The following TMEM108 variants were observed in gnomAD, a reference collection of about 807,000 sequenced individuals.
The protein encoded by TMEM108 is cancer/testis antigen 124.
TMEM108 carries 12 observed loss-of-function variants against 35.1 expected under a neutral mutation model. That is an observed-to-expected ratio of 0.34 (90% CI 0.22 to 0.55). TMEM108 has a LOEUF of 0.55. Among genes scored for constraint, TMEM108 ranks in the 20% least tolerant of loss-of-function variants. The pLI is 0.89. For synonymous variants in TMEM108, 287 were observed against 308.6 expected, an observed-to-expected ratio of 0.93 and a Z score of 0.73; for missense variants, 680 against 753.3, an observed-to-expected ratio of 0.90 and a Z score of 1.14.
intron 2 of TMEM108, among the ~76,000 whole-genome samples, chr3:133,101,352 G>A (rs1480414900): frequency 6.6e-6 from 1 of 152,098 alleles, no homozygotes; most frequent in Non-Finnish European, 1.5e-5. Flanking sequence ...TTTCTTCACT[G>A]GTTTACATCA....
At chr3:133,100,532 A>G (rs1174572721) in intron 2 of TMEM108, among the ~76,000 whole-genome samples, 2 of 152,176 alleles carry the variant, frequency 1.3e-5, no homozygotes, top group African/African-American at 4.8e-5. Flanking sequence ...TTGAGCCCAG[A>G]AGGTTGAGAC....
chr3:133,298,662 G>A (rs150038862), intron 3 of TMEM108, among the ~76,000 whole-genome samples: 5 of 151,824 alleles, frequency 3.3e-5, no homozygotes, highest in African/African-American at 4.8e-5. Flanking sequence ...TTATAAATTC[G>A]TTTCACACTC....
At chr3:133,154,744 G>A (rs1944853690) in intron 2 of TMEM108, among the ~76,000 whole-genome samples, 1 of 152,078 alleles carries the variant, frequency 6.6e-6, no homozygotes, top group South Asian at 2.1e-4. Flanking sequence ...ATAGTATTAG[G>A]AGATATACCT....
At chr3:133,057,866 C>T (rs1399272979) in intron 2 of TMEM108, among the ~76,000 whole-genome samples, 2 of 152,110 alleles carry the variant, frequency 1.3e-5, no homozygotes, top group Non-Finnish European at 2.9e-5. Flanking sequence ...TGCATGAGCA[C>T]TGATGATGGA....
chr3:133,040,751 G>A (rs778171586), intron 1 of TMEM108, among the ~76,000 whole-genome samples: 3 of 152,156 alleles, frequency 2.0e-5, no homozygotes, highest in East Asian at 1.9e-4. Flanking sequence ...ATCTAGCAAC[G>A]TACTTCAGTG....
chr3:133,040,253 G>T (rs1236607552), intron 1 of TMEM108, among the ~76,000 whole-genome samples: 1 of 149,594 alleles, frequency 6.7e-6, no homozygotes, highest in Admixed American at 6.7e-5. Flanking sequence ...ACCCAGGCTG[G>T]AGTGCAGTGG....
chr3:133,043,029 G>C (rs184257232), intron 1 of TMEM108, among the ~76,000 whole-genome samples: 81 of 152,326 alleles, frequency 5.3e-4, no homozygotes, highest in Non-Finnish European at 1.1e-3. Context: ...CTGATTGATT[G>C]TGAGCAGGAT....
intron 3 of TMEM108, among the ~76,000 whole-genome samples, chr3:133,374,961 A>G (rs923248207): frequency 3.3e-5 from 5 of 152,244 alleles, no homozygotes; most frequent in African/African-American, 1.2e-4. Context: ...CAAGCTGCCT[A>G]GGAACAAATT....
chr3:133,271,879 T>C (rs1286179817), intron 3 of TMEM108, among the ~76,000 whole-genome samples: 1 of 152,196 alleles, frequency 6.6e-6, no homozygotes, highest in Non-Finnish European at 1.5e-5. Context: ...TGGGCTTGTA[T>C]CAACAAGGCA....
chr3:133,120,654 G>A (rs915938373), intron 2 of TMEM108, among the ~76,000 whole-genome samples: 3 of 149,498 alleles, frequency 2.0e-5, no homozygotes, highest in South Asian at 2.1e-4. Flanking sequence ...GAATATCTGC[G>A]GTACTATGGA....
chr3:133,341,165 C>G lies in TMEM108; in HGVS notation c.41-38587C>G, dbSNP rs1470260867. On this transcript the variant is annotated intron_variant, in intron 3 of 5. Transcript: ENST00000321871. ...CTATATTTGGAAAACCCTAAAGACTCCATACACACCAAAAAAACTATTAGA... is the reference window on the plus strand; with the variant it reads ...CTATATTTGGAAAACCCTAAAGACTGCATACACACCAAAAAAACTATTAGA... 2.6e-5 allele frequency among the ~76,000 whole-genome samples: 4 copies of G among 151,626 alleles called. No individual in the cohort carries two copies. The East Asian group carries it at 5.8e-4, about 22-fold the overall frequency.
Position 133,215,296 on chromosome 3 carries a change from C to T in TMEM108, c.-46-13970C>T, listed in dbSNP as rs1476430408. On this transcript the variant is annotated intron_variant, in intron 2 of 5. Transcript: ENST00000321871. ...ACTTACTGTGCTTAGAAACACTAAA[C>T]AGCATCTCAGCACTTTGCTTGCAAG... Among the ~76,000 whole-genome samples the T allele has an allele frequency of 2.0e-5, 3 of 150,572 alleles. No individual in the cohort carries two copies. In the South Asian group the frequency reaches 6.3e-4, roughly 32 times the overall value.
intron 2 of TMEM108, among the ~76,000 whole-genome samples, chr3:133,081,427 A>T (rs958630218): frequency 1.3e-5 from 2 of 152,184 alleles, no homozygotes; most frequent in African/African-American, 4.8e-5. Flanking sequence ...TCATGACCTC[A>T]TCTAAATCTA....
intron 4 of TMEM108, among the ~76,000 whole-genome samples, chr3:133,382,069 C>T (rs1279925909): frequency 6.6e-6 from 1 of 152,186 alleles, no homozygotes; most frequent in Admixed American, 6.5e-5. Flanking sequence ...TGTCTTCCCT[C>T]ATGTACTTGA....
chr3:133,215,812 G>A (rs562678061), intron 2 of TMEM108, among the ~76,000 whole-genome samples: 1 of 151,822 alleles, frequency 6.6e-6, no homozygotes, highest in African/African-American at 2.4e-5. Context: ...ATATCTGATC[G>A]ATTTGGAATT....
At chr3:133,172,037 AT>A (rs1945137835) in intron 2 of TMEM108, among the ~76,000 whole-genome samples, 2 of 152,228 alleles carry the variant, frequency 1.3e-5, no homozygotes, top group Non-Finnish European at 2.9e-5. Context: ...ACATACTTTG[AT>A]GATAATGATT....
rs190787521 is a variant in TMEM108, at chr3:133,291,253, G to A, written c.40+61902G>A. On this transcript the variant is annotated intron_variant, in intron 3 of 5. Coordinates refer to ENST00000321871, the MANE Select transcript of TMEM108 (RefSeq NM_023943.4). Reference sequence around the variant, plus strand: ...GAAAAAACAAGTTTAAATTACCACCGTGGAGTTTTTTTTTTTCTGTTGTTG... The same window carrying A: ...GAAAAAACAAGTTTAAATTACCACCATGGAGTTTTTTTTTTTCTGTTGTTG... 2.1e-3 allele frequency among the ~76,000 whole-genome samples: 290 copies of A among 137,594 alleles called. 1 individual carries two copies. Among genetic ancestry groups the A allele is most frequent in the African/African-American group, 6.8e-3 (273 of 40,150 alleles). 90.3% of individuals were successfully genotyped at this position (137,594 alleles called of 152,430 possible).
chr3:133,258,422 G>C (rs923901407), intron 3 of TMEM108, among the ~76,000 whole-genome samples: 1 of 152,204 alleles, frequency 6.6e-6, no homozygotes, highest in African/African-American at 2.4e-5. Context: ...ACCATGTGGT[G>C]GGCCCAGGCT....
intron 2 of TMEM108, among the ~76,000 whole-genome samples, chr3:133,102,954 T>C (rs1340047625): frequency 3.9e-5 from 6 of 152,014 alleles, no homozygotes; most frequent in South Asian, 2.1e-4. Flanking sequence ...GCTGGCAAGG[T>C]TGTGGAGAAA....
Sources: gnomAD v4.1 joint callset for allele counts (sites outside exome capture counted in the v4.1 genomes callset) on GRCh38, gnomAD v4.1.1 for gene constraint, MANE v1.5 for transcripts, NCBI Gene and HGNC (gene_info 2026-07-23, HGNC 2026-07-21) for gene names.